GYPC: variants seen among roughly 807,000 people sequenced by gnomAD.
GYPC encodes the protein glycophorin C (Gerbich blood group), also known as glycophorin-C.
Under a neutral mutation model 12.6 loss-of-function variants are expected in GYPC, and 14 were observed. The ratio of observed to expected loss-of-function variants is 1.11; its 90% CI spans 0.74 to 1.74. The LOEUF is 1.74. GYPC is among the 40% of genes most tolerant of loss of function. The pLI is 0.00. For synonymous variants in GYPC, 78 were observed against 62.1 expected (o/e 1.26, Z -1.20); for missense variants, 225 against 172.1 (o/e 1.31, Z -1.72).
At chr2:126,660,622 A>T (rs994277655) in intron 1 of GYPC, among the ~76,000 whole-genome samples, 1 of 152,124 alleles carries the variant, frequency 6.6e-6, no homozygotes, top group Non-Finnish European at 1.5e-5. Flanking sequence ...AGGGCCTGTC[A>T]CAGACAGGGG....
intron 3 of GYPC, among the ~76,000 whole-genome samples, chr2:126,695,675 G>T (rs537677575): frequency 1.0e-5 from 1 of 97,036 alleles, no homozygotes; most frequent in Non-Finnish European, 2.1e-5. Context: ...CATGACTTTA[G>T]GTTAATGTTA....
At chr2:126,663,930 T>C (rs1682608864) in intron 1 of GYPC, among the ~76,000 whole-genome samples, 1 of 150,944 alleles carries the variant, frequency 6.6e-6, no homozygotes, top group Non-Finnish European at 1.5e-5. Flanking sequence ...GGCTTGGAGC[T>C]GGGTCTCTCT....
rs1003789598 is a variant in GYPC at position 126,656,179 on chromosome 2, G to A, written c.-85G>A. On this transcript the variant is annotated 5_prime_UTR_variant, in exon 1 of 4. Transcript: ENST00000259254. ...GCTTCCTCTCGCCGCCGAGGGTCAG[G>A]AGCCCGGGAGCGCGACCCTCCCCCG... The A allele has an allele frequency of 2.6e-6, 4 of 1,524,814 alleles. No homozygotes were observed. The highest frequency in any genetic ancestry group is 1.4e-5 in the African/African-American group (1 of 71,052). 94.5% of individuals were successfully genotyped at this position (1,524,814 alleles called of 1,614,324 possible).
At chr2:126,677,231 G>A (rs1683015453) in intron 1 of GYPC, among the ~76,000 whole-genome samples, 1 of 152,050 alleles carries the variant, frequency 6.6e-6, no homozygotes, top group Non-Finnish European at 1.5e-5. Flanking sequence ...GCATATGTGG[G>A]AGAGTGTGTG....
At chr2:126,675,212 C>A (rs1682964211) in intron 1 of GYPC, among the ~76,000 whole-genome samples, 1 of 152,180 alleles carries the variant, frequency 6.6e-6, no homozygotes, top group Non-Finnish European at 1.5e-5. Context: ...GATTCCCTTC[C>A]CATCCTTTGC....
intron 1 of GYPC, among the ~76,000 whole-genome samples, chr2:126,688,797 T>C (rs1420903628): frequency 6.6e-6 from 1 of 152,102 alleles, no homozygotes; most frequent in South Asian, 2.1e-4. Context: ...CAGTTACTTA[T>C]AAGAAAGAGG....
chr2:126,693,454 C>T (rs1300172416), intron 2 of GYPC, among the ~76,000 whole-genome samples: 1 of 152,136 alleles, frequency 6.6e-6, no homozygotes, highest in Non-Finnish European at 1.5e-5. Flanking sequence ...TCAGCTATAG[C>T]AACACAAAAT....
chr2:126,691,101 A>C lies in GYPC; in HGVS notation c.106+790A>C, dbSNP rs1683449818. Among the ~76,000 whole-genome samples the C allele has an allele frequency of 2.0e-5, 3 of 152,226 alleles. No homozygotes were observed. In the South Asian group the frequency reaches 6.2e-4, roughly 32 times the overall value. On this transcript the variant is annotated intron_variant, in intron 2 of 3. Transcript: ENST00000259254. ...CAGATACAAGTGTTCCCCTGAAGGCAGTAGGAAGTTTAGGAAATTGTTCTA... is the reference window on the plus strand; with the variant it reads ...CAGATACAAGTGTTCCCCTGAAGGCCGTAGGAAGTTTAGGAAATTGTTCTA...
chr2:126,673,151 A>T (rs988369044), intron 1 of GYPC, among the ~76,000 whole-genome samples: 1 of 152,036 alleles, frequency 6.6e-6, no homozygotes. Flanking sequence ...CCTCCAACCC[A>T]AGCACAAGGG....
At chr2:126,690,204 G>C in intron 1 of GYPC, 51 bp from the exon 2 acceptor site, 1 of 1,360,650 alleles carries the variant, frequency 7.3e-7, no homozygotes, top group Non-Finnish European at 1.1e-6. Flanking sequence ...GGTGCTGCTA[G>C]GCATGGAGAG....
Position 126,656,172 on chromosome 2 carries a change from G to T in GYPC, c.-92G>T. On this transcript the variant is annotated 5_prime_UTR_variant, in exon 1 of 4. The change creates a new upstream start codon in the 5' untranslated region. Coordinates refer to ENST00000259254, the MANE Select transcript of GYPC (RefSeq NM_002101.5). ...AGGTGCCGCTTCCTCTCGCCGCCGA[G>T]GGTCAGGAGCCCGGGAGCGCGACCC... 6.6e-7 allele frequency: 1 copy of T among 1,511,078 alleles called. No individual in the cohort carries two copies. The highest frequency in any genetic ancestry group is 8.9e-7 in the Non-Finnish European group (1 of 1,128,134). The allele number at this position is 1,511,078 out of a possible 1,614,324, so 93.6% of individuals were successfully genotyped here. A position where few individuals can be genotyped will look rare whatever the true frequency, so the allele number is the denominator to read the frequency against.
At chr2:126,684,427 C>T (rs747821186) in intron 1 of GYPC, among the ~76,000 whole-genome samples, 6 of 152,130 alleles carry the variant, frequency 3.9e-5, no homozygotes, top group Non-Finnish European at 7.3e-5. Flanking sequence ...AACCCAGAGG[C>T]TTACTGACCA....
intron 1 of GYPC, among the ~76,000 whole-genome samples, chr2:126,677,393 TAGTGTGTTAG>T (rs1346883235): frequency 2.7e-5 from 4 of 148,726 alleles, no homozygotes; most frequent in Non-Finnish European, 5.9e-5. Context: ...GTGTGTTTAT[TAGTGTGTTAG>T]AGTGTGTAAG....
chr2:126,693,418 C>G (rs1407245738), intron 2 of GYPC, among the ~76,000 whole-genome samples: 6 of 152,256 alleles, frequency 3.9e-5, no homozygotes, highest in South Asian at 4.1e-4. Flanking sequence ...AAATAAACCT[C>G]TCTTCTTTAT....
chr2:126,690,773 C>G (rs1384031834), intron 2 of GYPC, among the ~76,000 whole-genome samples: 2 of 152,124 alleles, frequency 1.3e-5, no homozygotes, highest in Non-Finnish European at 2.9e-5. Context: ...GAAACTTGAG[C>G]CTGCCTTTGC....
At chr2:126,660,136 T>C (rs1376885305) in intron 1 of GYPC, among the ~76,000 whole-genome samples, 2 of 152,182 alleles carry the variant, frequency 1.3e-5, no homozygotes, top group Non-Finnish European at 2.9e-5. Context: ...CCACAGCTTG[T>C]ATGTGCCAGG....
intron 1 of GYPC, among the ~76,000 whole-genome samples, chr2:126,671,853 G>C (rs1010536380): frequency 6.6e-6 from 1 of 152,242 alleles, no homozygotes; most frequent in Non-Finnish European, 1.5e-5. Context: ...GCCGGGAAGG[G>C]AGATGGAAGG....
chr2:126,674,072 T>C (rs1449896994), intron 1 of GYPC, among the ~76,000 whole-genome samples: 1 of 152,224 alleles, frequency 6.6e-6, no homozygotes. Context: ...GCAGGCTGTA[T>C]GTGGCTGTGT....
At chr2:126,671,969 C>G (rs918329161) in intron 1 of GYPC, among the ~76,000 whole-genome samples, 1 of 152,134 alleles carries the variant, frequency 6.6e-6, no homozygotes, top group Non-Finnish European at 1.5e-5. Context: ...AGACATGGGG[C>G]CATCTGAGAG....
Sources: gnomAD v4.1 joint callset for allele counts (sites outside exome capture counted in the v4.1 genomes callset) on GRCh38, gnomAD v4.1.1 for gene constraint, MANE v1.5 for transcripts, NCBI Gene and HGNC (gene_info 2026-07-23, HGNC 2026-07-21) for gene names.